The following SLC25A21 variants were observed in gnomAD, a reference collection of about 807,000 sequenced individuals.
SLC25A21 encodes the protein mitochondrial 2-oxodicarboxylate carrier.
In SLC25A21, 47 loss-of-function variants were observed where a neutral mutation model predicts 43.8. That is an observed-to-expected ratio of 1.07 (90% CI 0.85 to 1.37). The LOEUF (loss-of-function observed/expected upper bound fraction) is 1.37, where lower values mean the gene tolerates loss of function less well. SLC25A21 is among the 40% of genes most tolerant of loss of function. The pLI, the probability that SLC25A21 is intolerant of heterozygous loss-of-function variation, is 0.00. For synonymous variants in SLC25A21, 131 were observed against 121.3 expected (o/e 1.08, Z -0.52); for missense variants, 352 against 350.2 (o/e 1.00, Z -0.04).
intron 1 of SLC25A21, among the ~76,000 whole-genome samples, chr14:37,126,353 CACT>C: frequency 6.6e-6 from 1 of 152,026 alleles, no homozygotes; most frequent in South Asian, 2.1e-4. Flanking sequence ...TCAATGCCCT[CACT>C]ATAATATACC....
At chr14:36,899,077 A>AT in intron 1 of SLC25A21, among the ~76,000 whole-genome samples, 1 of 152,244 alleles carries the variant, frequency 6.6e-6, no homozygotes, top group Admixed American at 6.5e-5. Context: ...AACACAGACA[A>AT]TTTTATCTGT....
At chr14:37,028,707 T>G (rs537748710) in intron 1 of SLC25A21, among the ~76,000 whole-genome samples, 3 of 152,292 alleles carry the variant, frequency 2.0e-5, no homozygotes, top group African/African-American at 7.2e-5. Context: ...AGGATAACGT[T>G]TCTTCAATGG....
chr14:36,736,241 C>A (rs1198978441), intron 3 of SLC25A21, among the ~76,000 whole-genome samples: 1 of 151,914 alleles, frequency 6.6e-6, no homozygotes, highest in Non-Finnish European at 1.5e-5. Flanking sequence ...AGCCTGCCCA[C>A]GATTTTTGAC....
Position 37,101,088 on chromosome 14 carries a change from G to C in SLC25A21, c.70+71193C>G, listed in dbSNP as rs74544975. 1.9e-3 allele frequency among the ~76,000 whole-genome samples: 288 copies of C among 152,192 alleles called. 3 individuals are homozygous for C. In the East Asian group the frequency reaches 0.045, roughly 24 times the overall value. The stretch of plus-strand genomic sequence containing the variant: ...ACTATCTTTCTAAAAGCCTTTTATT[G>C]TGTATTGAAAAATAATGTGTTAATC... On this transcript the variant is annotated intron_variant, in intron 1 of 9. Coordinates refer to ENST00000331299, the MANE Select transcript of SLC25A21 (RefSeq NM_030631.4).
chr14:36,910,472 G>A (rs918123698), intron 1 of SLC25A21, among the ~76,000 whole-genome samples: 3 of 152,160 alleles, frequency 2.0e-5, no homozygotes, highest in African/African-American at 7.2e-5. Flanking sequence ...GCAAAAAGTT[G>A]TGATTATTTG....
Position 36,975,143 on chromosome 14 carries a change from G to A in SLC25A21, c.71-100139C>T, listed in dbSNP as rs753274829. 5.3e-5 allele frequency among the ~76,000 whole-genome samples: 8 copies of A among 152,256 alleles called. No homozygotes were observed. The East Asian group carries it at 1.2e-3, about 22-fold the overall frequency. On this transcript the variant is annotated intron_variant, in intron 1 of 9. Transcript: ENST00000331299. ...TGATTGACAGGATATACAAGACTACGCAGAAGAAGGAAAGACATATATAAA... is the reference window on the plus strand; with the variant it reads ...TGATTGACAGGATATACAAGACTACACAGAAGAAGGAAAGACATATATAAA...
intron 1 of SLC25A21, among the ~76,000 whole-genome samples, chr14:36,944,477 G>A (rs374949895): frequency 3.4e-4 from 52 of 152,164 alleles, no homozygotes; most frequent in African/African-American, 1.2e-3. Context: ...CCATGCTGGG[G>A]GAGGAAACAT....
In SLC25A21 at chr14:37,155,100, T is replaced by C. The variant is rs1297777127; in HGVS notation, c.70+17181A>G. Among the ~76,000 whole-genome samples, 3 of 151,678 alleles carry C rather than the reference T, an allele frequency of 2.0e-5. No individual in the cohort carries two copies. In the East Asian group the frequency reaches 5.9e-4, roughly 30 times the overall value. On this transcript the variant is annotated intron_variant, in intron 1 of 9. Transcript: ENST00000331299. ...CTTTTTTTTTTTTTAAGATGGAGTT[T>C]CACTCTGTTGCCCAGGCTGGAGTGC...
Position 36,748,094 on chromosome 14 carries a change from A to C in SLC25A21, c.204-13521T>G, listed in dbSNP as rs544475872. Among the ~76,000 whole-genome samples, 4 of 152,362 alleles carry C rather than the reference A, an allele frequency of 2.6e-5. No homozygotes were observed. The East Asian group carries it at 7.7e-4, about 29-fold the overall frequency. Reference sequence around the variant, plus strand: ...TTTCCTAGTAGTGAAACAGCTAGTAAGTGATGGAGTTAGGACAATAACAAA... The same window carrying C: ...TTTCCTAGTAGTGAAACAGCTAGTACGTGATGGAGTTAGGACAATAACAAA... On this transcript the variant is annotated intron_variant, in intron 3 of 9. Coordinates refer to ENST00000331299, the MANE Select transcript of SLC25A21 (RefSeq NM_030631.4).
intron 3 of SLC25A21, among the ~76,000 whole-genome samples, chr14:36,796,358 T>C (rs1887669291): frequency 6.7e-6 from 1 of 149,688 alleles, no homozygotes; most frequent in Non-Finnish European, 1.5e-5. Flanking sequence ...AATTTATTTA[T>C]TTATTTATTT....
intron 1 of SLC25A21, among the ~76,000 whole-genome samples, chr14:37,107,408 C>G (rs950635415): frequency 6.6e-6 from 1 of 152,002 alleles, no homozygotes; most frequent in African/African-American, 2.4e-5. Flanking sequence ...GTCTCAAACT[C>G]CTGGAGTCAA....
intron 1 of SLC25A21, among the ~76,000 whole-genome samples, chr14:37,130,026 A>G (rs1486310324): frequency 6.7e-6 from 1 of 149,124 alleles, no homozygotes; most frequent in Non-Finnish European, 1.5e-5. Flanking sequence ...CTGAGGCAGG[A>G]GAATCACTTG....
At chr14:36,700,933 T>G (rs1354820713) in intron 7 of SLC25A21, among the ~76,000 whole-genome samples, 1 of 152,192 alleles carries the variant, frequency 6.6e-6, no homozygotes, top group Non-Finnish European at 1.5e-5. Context: ...TGTGGTGCAT[T>G]GGAATCATAG....
At chr14:37,108,120 T>TAATG (rs1461982267) in intron 1 of SLC25A21, among the ~76,000 whole-genome samples, 2 of 152,168 alleles carry the variant, frequency 1.3e-5, no homozygotes, top group Non-Finnish European at 2.9e-5. Context: ...TCTTTTTGCC[T>TAATG]CCCAAGATGA....
chr14:36,926,800 G>A (rs1389322552), intron 1 of SLC25A21, among the ~76,000 whole-genome samples: 1 of 152,154 alleles, frequency 6.6e-6, no homozygotes, highest in Non-Finnish European at 1.5e-5. Context: ...AATTCATTGT[G>A]AAAGCTATCT....
intron 1 of SLC25A21, among the ~76,000 whole-genome samples, chr14:37,055,371 C>T (rs1961798377): frequency 6.6e-6 from 1 of 152,118 alleles, no homozygotes; most frequent in South Asian, 2.1e-4. Flanking sequence ...CAGAGGGCAG[C>T]CTGAAGTAGA....
intron 3 of SLC25A21, among the ~76,000 whole-genome samples, chr14:36,791,185 C>T (rs1887472855): frequency 6.6e-6 from 1 of 152,076 alleles, no homozygotes; most frequent in African/African-American, 2.4e-5. Flanking sequence ...TGCTAATTAT[C>T]TAATACATAA....
At chr14:36,877,976 T>C (rs1890594484) in intron 1 of SLC25A21, among the ~76,000 whole-genome samples, 1 of 152,028 alleles carries the variant, frequency 6.6e-6, no homozygotes, top group East Asian at 1.9e-4. Context: ...TTTCGAGGAG[T>C]TGTAAGCAGA....
chr14:37,073,955 T>A (rs1214105851), intron 1 of SLC25A21, among the ~76,000 whole-genome samples: 1 of 146,112 alleles, frequency 6.8e-6, no homozygotes, highest in Non-Finnish European at 1.5e-5. Context: ...ATTTTGTGCA[T>A]CTGAGAAAAA....
Sources: gnomAD v4.1 joint callset for allele counts (sites outside exome capture counted in the v4.1 genomes callset) on GRCh38, gnomAD v4.1.1 for gene constraint, MANE v1.5 for transcripts, NCBI Gene and HGNC (gene_info 2026-07-23, HGNC 2026-07-21) for gene names.